The following TASOR variants were observed in gnomAD, a reference collection of about 807,000 sequenced individuals.
The protein encoded by TASOR is protein TASOR.
In TASOR, 53 loss-of-function variants were observed where a neutral mutation model predicts 178.6. The observed-to-expected ratio is 0.30, with a 90% CI of 0.24 to 0.37. The LOEUF (loss-of-function observed/expected upper bound fraction) is 0.37. TASOR is among the 10% of genes least tolerant of loss of function. The probability of loss-of-function intolerance (pLI) is 1.00; values close to 1 mark genes in which losing one functional copy is unlikely to be tolerated. For missense variants in TASOR, 1,815 were observed against 1,971.4 expected (o/e 0.92, Z 1.50); for synonymous variants, 713 against 696.2 (o/e 1.02, Z -0.38).
intron 11 of TASOR, among the ~76,000 whole-genome samples, chr3:56,655,076 C>T (rs913593416): frequency 2.6e-5 from 4 of 152,082 alleles, no homozygotes; most frequent in Admixed American, 2.6e-4. Flanking sequence ...CAACCCCTGA[C>T]CCAAAACAAA....
intron 11 of TASOR, among the ~76,000 whole-genome samples, chr3:56,657,700 T>C (rs1423472280): frequency 3.9e-5 from 6 of 152,180 alleles, no homozygotes; most frequent in African/African-American, 1.4e-4. Context: ...AGCATTTACA[T>C]TTCAATACAG....
At chr3:56,635,061 G>GA (rs1232397903) in intron 17 of TASOR, among the ~76,000 whole-genome samples, 1 of 152,170 alleles carries the variant, frequency 6.6e-6, no homozygotes, top group Non-Finnish European at 1.5e-5. Context: ...CTCTAAATCA[G>GA]AAAGTCCAGG....
rs1452344056 is a variant in TASOR at position 56,624,462 on chromosome 3, A to G, written c.4483+17T>C. On this transcript the variant is annotated intron_variant, in intron 23 of 23. Coordinates refer to ENST00000683822, the MANE Select transcript of TASOR (RefSeq NM_001365635.2). ...TTCTGTCTGCGTTAAAGAAAATGAAAACCACTGAAAAGTTACCTGACTGCG... is the reference window on the plus strand; with the variant it reads ...TTCTGTCTGCGTTAAAGAAAATGAAGACCACTGAAAAGTTACCTGACTGCG... 6.2e-7 allele frequency: 1 copy of G among 1,604,130 alleles called. No homozygotes were observed. Among genetic ancestry groups the G allele is most frequent in the East Asian group, 2.2e-5 (1 of 44,800 alleles).
chr3:56,624,554 C>A lies in TASOR; in HGVS notation c.4408G>T (p.Val1470Leu). The A allele has an allele frequency of 6.2e-7, 1 of 1,614,102 alleles. No individual in the cohort carries two copies. The highest frequency in any genetic ancestry group is 8.5e-7 in the Non-Finnish European group (1 of 1,179,986). The stretch of plus-strand genomic sequence containing the variant: ...TCTGTGATTGAATTGTGATAGCCCA[C>A]AAGATTTTTAAAGTTTTGCATGAAG... ...EDFMQNFKNL[V>L]GYHNSITEEN... The change falls in exon 23 of 24, where the codon GTG becomes TTG. Residue 1470 changes from valine (V) to leucine (L), a missense_variant. This residue lies in a region of TASOR where 278 missense variants were observed against 257.1 expected (regional missense o/e 1.08). Coordinates refer to ENST00000683822, the MANE Select transcript of TASOR (RefSeq NM_001365635.2).
At chr3:56,644,334 C>T (rs2077190607) in intron 14 of TASOR, among the ~76,000 whole-genome samples, 1 of 143,802 alleles carries the variant, frequency 7.0e-6, no homozygotes, top group Admixed American at 6.8e-5. Context: ...CAAGATAAGA[C>T]AGTATGTGTC....
intron 16 of TASOR, among the ~76,000 whole-genome samples, chr3:56,639,731 A>C (rs773257997): frequency 7.9e-5 from 12 of 151,756 alleles, no homozygotes; most frequent in Admixed American, 1.3e-4. Context: ...TCTGCATGCT[A>C]AACTCCATAG....
Position 56,660,941 on chromosome 3 carries a change from T to G in TASOR, c.1237A>C (p.Lys413Gln). Reference protein sequence around the residue: ...KQKIPPALFYKETYLGPNEVL... With the variant: ...KQKIPPALFYQETYLGPNEVL... ...TCATTTGGACCTAAGTATGTTTCCT[T>G]ATAAAACAGTGCTGGAGGGATTTTC... The change falls in exon 10 of 24, where the codon AAG becomes CAG. Residue 413 changes from lysine (K) to glutamine (Q), a missense_variant. Lys to Gln is a moderately conservative substitution (Grantham distance 53, BLOSUM62 1). Coordinates refer to ENST00000683822, the MANE Select transcript of TASOR (RefSeq NM_001365635.2). 1 of 1,612,054 alleles carries G rather than the reference T, an allele frequency of 6.2e-7. No homozygotes were observed. The highest frequency in any genetic ancestry group is 8.5e-7 in the Non-Finnish European group (1 of 1,178,476).
intron 9 of TASOR, among the ~76,000 whole-genome samples, chr3:56,661,923 G>C (rs1015106698): frequency 2.0e-5 from 3 of 151,930 alleles, no homozygotes; most frequent in Non-Finnish European, 4.4e-5. Flanking sequence ...TCAGGAGTTC[G>C]AGACCAGACT....
chr3:56,682,651 G>A (rs2031911895), intron 1 of TASOR, 25 bp downstream of exon 1: 10 of 1,439,770 alleles, frequency 6.9e-6, no homozygotes, highest in Non-Finnish European at 3.7e-6. Flanking sequence ...AGAGAGAGGG[G>A]GTTGAGAAGA....
intron 18 of TASOR, among the ~76,000 whole-genome samples, chr3:56,629,523 C>T (rs1049799711): frequency 4.6e-5 from 7 of 152,180 alleles, no homozygotes; most frequent in Non-Finnish European, 8.8e-5. Context: ...ATGGTATTCA[C>T]ATACAAATTA....
chr3:56,648,631 CAAAAAAAAAA>C lies in TASOR; in HGVS notation c.1513+181_1513+190del, dbSNP rs56218279. Among the ~76,000 whole-genome samples, 166 of 84,556 alleles carry C rather than the reference CAAAAAAAAAA, an allele frequency of 2.0e-3. 3 individuals are homozygous for C. Among genetic ancestry groups the C allele is most frequent in the Admixed American group, 4.0e-3 (32 of 7,938 alleles). 55.5% of individuals were successfully genotyped at this position (84,556 alleles called of 152,430 possible). On this transcript the variant is annotated intron_variant, in intron 13 of 23. Coordinates refer to ENST00000683822, the MANE Select transcript of TASOR (RefSeq NM_001365635.2). ...GGGCAAGAAGAGCAAAACTCTGTAT[CAAAAAAAAAA>C]AAAAAAAAAAAAAAAAAAAATTCAT... is the stretch of plus-strand genomic sequence containing the variant.
In TASOR at chr3:56,627,722, A is replaced by C. The variant is rs2076828682; in HGVS notation, c.3890T>G (p.Leu1297Ter). ...AAAACTAACACAGGGGAGCTTCTTTAAAGTCACCAAGCCAGGTATCTGTTT... is the reference window on the plus strand; with the variant it reads ...AAAACTAACACAGGGGAGCTTCTTTCAAGTCACCAAGCCAGGTATCTGTTT... The part of the protein sequence containing the change: ...FIHKIPGLVT[L>*]KKLPCVSFAG... Residue 1297 changes from leucine to a stop codon, truncating the protein, a stop_gained, in exon 20 of 24, where the codon TTA (leucine) becomes TGA (stop). Transcript: ENST00000683822. LOFTEE classifies it high-confidence loss of function. 3 of 1,613,894 alleles carry C rather than the reference A, an allele frequency of 1.9e-6. No individual in the cohort carries two copies. The Admixed American group carries it at 5.0e-5, about 27-fold the overall frequency.
intron 17 of TASOR, among the ~76,000 whole-genome samples, chr3:56,636,499 G>A (rs1010420907): frequency 1.3e-5 from 2 of 151,530 alleles, no homozygotes; most frequent in African/African-American, 2.4e-5. Context: ...CCACCTCCCA[G>A]GTTCAAACAA....
chr3:56,669,596 C>G (rs1014968099), intron 5 of TASOR, 104 bp downstream of exon 5: 1 of 665,822 alleles, frequency 1.5e-6, no homozygotes, highest in African/African-American at 1.9e-5. Flanking sequence ...CAAACACTAA[C>G]AAGCATGAAC....
chr3:56,631,988 A>C (rs1390687248), intron 18 of TASOR, among the ~76,000 whole-genome samples: 1 of 152,186 alleles, frequency 6.6e-6, no homozygotes, highest in Non-Finnish European at 1.5e-5. Flanking sequence ...GAGTCTTTCA[A>C]GATTATCAAG....
At chr3:56,637,571 G>A (rs979664308) in intron 17 of TASOR, among the ~76,000 whole-genome samples, 11 of 135,218 alleles carry the variant, frequency 8.1e-5, no homozygotes, top group African/African-American at 3.3e-4. Flanking sequence ...TTATATATCT[G>A]TTGTTCATGG....
chr3:56,640,342 C>T (rs534062213), intron 15 of TASOR, among the ~76,000 whole-genome samples: 3 of 152,276 alleles, frequency 2.0e-5, no homozygotes, highest in Admixed American at 1.3e-4. Flanking sequence ...GATTGGTAAA[C>T]GTTTGTGCTG....
Position 56,646,527 on chromosome 3 carries a change from T to A in TASOR, c.2210A>T (p.Tyr737Phe). The A allele has an allele frequency of 6.2e-7, 1 of 1,600,406 alleles. No homozygotes were observed. The highest frequency in any genetic ancestry group is 2.2e-5 in the East Asian group (1 of 44,824). Reference protein sequence around the residue: ...TSNLSENCHLYEESPQPIGSL... With the variant: ...TSNLSENCHLFEESPQPIGSL... ...AGAGCAATCTGATATTTTACCTTCATACAGATGGCAATTTTCAGATAAATT... is the reference window on the plus strand; with the variant it reads ...AGAGCAATCTGATATTTTACCTTCAAACAGATGGCAATTTTCAGATAAATT... The change falls in exon 14 of 24, where the codon TAT (tyrosine) becomes TTT (phenylalanine). Residue 737 changes from tyrosine (Y) to phenylalanine (F), a missense_variant. Transcript: ENST00000683822.
intron 15 of TASOR, 38 bp downstream of exon 15, chr3:56,641,311 C>T (rs769005969): frequency 8.4e-6 from 13 of 1,541,056 alleles, no homozygotes; most frequent in Non-Finnish European, 1.1e-5. Context: ...CACACACACA[C>T]TCACAAACAC....
Sources: gnomAD v4.1 joint callset for allele counts (sites outside exome capture counted in the v4.1 genomes callset) on GRCh38, gnomAD v4.1.1 for gene constraint, gnomAD v4.1.1 regional missense constraint, MANE v1.5 for transcripts, NCBI Gene and HGNC (gene_info 2026-07-23, HGNC 2026-07-21) for gene names.